The following PADI4 variants were observed in gnomAD, a reference collection of about 807,000 sequenced individuals.
PADI4 encodes protein-arginine deiminase type-4.
In PADI4, 62 loss-of-function variants were observed where a neutral mutation model predicts 75.0. The ratio of observed to expected loss-of-function variants is 0.83; its 90% CI spans 0.67 to 1.02. The LOEUF (loss-of-function observed/expected upper bound fraction) is 1.02, where lower values mean the gene tolerates loss of function less well. PADI4 is among the 50% of genes least tolerant of loss of function. The pLI, the probability that PADI4 is intolerant of heterozygous loss-of-function variation, is 0.00. For synonymous variants in PADI4, 361 were observed against 348.1 expected (o/e 1.04, Z -0.41); for missense variants, 845 against 850.5 (o/e 0.99, Z 0.08).
intron 1 of PADI4, among the ~76,000 whole-genome samples, chr1:17,324,858 G>A (rs1294758424): frequency 2.0e-5 from 3 of 152,242 alleles, no homozygotes; most frequent in African/African-American, 4.8e-5. Context: ...CTATATGAAT[G>A]AGCAATTGCT....
intron 10 of PADI4, among the ~76,000 whole-genome samples, chr1:17,352,151 A>AGGG (rs1557577339): frequency 1.6e-5 from 2 of 124,388 alleles, no homozygotes; most frequent in African/African-American, 6.6e-5. Flanking sequence ...TAGGAGAGGC[A>AGGG]ATCAGGGAGG....
Position 17,363,842 on chromosome 1 carries a change from G to C in PADI4, c.*87G>C, listed in dbSNP as rs371988502. 51 of 934,100 alleles carry C rather than the reference G, an allele frequency of 5.5e-5. No individual in the cohort carries two copies. Among genetic ancestry groups the C allele is most frequent in the East Asian group, 4.3e-4 (17 of 39,834 alleles). The allele number at this position is 934,100 out of a possible 1,614,324, so 57.9% of individuals were successfully genotyped here. On this transcript the variant is annotated 3_prime_UTR_variant, in exon 16 of 16. Coordinates refer to ENST00000375448, the MANE Select transcript of PADI4 (RefSeq NM_012387.3). ...GCAAGCAAGAGCTCTTGTGAATATT[G>C]TGGCTCCCTGGGGGCGGCCAGCCCT...
chr1:17,353,087 G>A (rs1249890956), intron 10 of PADI4, among the ~76,000 whole-genome samples: 1 of 152,202 alleles, frequency 6.6e-6, no homozygotes, highest in East Asian at 1.9e-4. Context: ...CCTGGACAAG[G>A]AAAGCTTTGA....
intron 2 of PADI4, among the ~76,000 whole-genome samples, chr1:17,332,181 T>C (rs1361881845): frequency 2.0e-5 from 3 of 152,176 alleles, no homozygotes; most frequent in African/African-American, 7.2e-5. Flanking sequence ...GCCTCTCTCA[T>C]AAGGGTACTT....
intron 10 of PADI4, among the ~76,000 whole-genome samples, chr1:17,353,457 C>T (rs977901882): frequency 1.3e-5 from 2 of 152,132 alleles, no homozygotes; most frequent in African/African-American, 4.8e-5. Context: ...AAGACCCACT[C>T]ATCTTCCCAG....
At chr1:17,335,844 G>T (rs2074299517) in intron 3 of PADI4, among the ~76,000 whole-genome samples, 1 of 152,264 alleles carries the variant, frequency 6.6e-6, no homozygotes, top group Non-Finnish European at 1.5e-5. Flanking sequence ...CATTGTGGTG[G>T]TTGGGAATTC....
At chr1:17,339,836 C>A (rs1392708406) in intron 6 of PADI4, 23 bp downstream of exon 6, 29 of 1,577,416 alleles carry the variant, frequency 1.8e-5, no homozygotes, top group Non-Finnish European at 2.2e-5. Flanking sequence ...CATCTTTGTT[C>A]CCCTCCTGCC....
rs2074751925 is a variant in PADI4 at position 17,355,963 on chromosome 1, C to T, written c.1311-20C>T. On this transcript the variant is annotated intron_variant, in intron 11 of 15. Coordinates refer to ENST00000375448, the MANE Select transcript of PADI4 (RefSeq NM_012387.3). ...GTAGCCCTTGCTGCCGATAACACCC[C>T]TTTAACCCTGCCATGACAGCAATGA... The T allele has an allele frequency of 1.2e-6, 2 of 1,613,992 alleles. No homozygotes were observed. The highest frequency in any genetic ancestry group is 1.7e-5 in the Admixed American group (1 of 60,004).
At chr1:17,358,019 G>T (rs7530463) in intron 13 of PADI4, among the ~76,000 whole-genome samples, 1 of 151,832 alleles carries the variant, frequency 6.6e-6, no homozygotes, top group South Asian at 2.1e-4. Context: ...AGGCTGAGGC[G>T]GGTGGATCAC....
At chr1:17,337,803 T>G (rs1248019036) in intron 4 of PADI4, among the ~76,000 whole-genome samples, 3 of 152,020 alleles carry the variant, frequency 2.0e-5, no homozygotes, top group African/African-American at 7.2e-5. Context: ...TAGTACCAGC[T>G]ACTCAGGAGG....
At chr1:17,336,875 T>C (rs567938684) in intron 4 of PADI4, among the ~76,000 whole-genome samples, 5 of 152,342 alleles carry the variant, frequency 3.3e-5, no homozygotes, top group African/African-American at 1.2e-4. Flanking sequence ...AATCTGTCCC[T>C]GTATCCCTCC....
In PADI4 at chr1:17,363,858, G is replaced by A. The variant is rs995418173; in HGVS notation, c.*103G>A. The A allele has an allele frequency of 2.5e-5, 19 of 753,090 alleles. No individual in the cohort carries two copies. Among genetic ancestry groups the A allele is most frequent in the African/African-American group, 8.7e-5 (5 of 57,374 alleles). The allele number at this position is 753,090 out of a possible 1,614,324, so 46.7% of individuals were successfully genotyped here. A position where few individuals can be genotyped will look rare whatever the true frequency, so the allele number is the denominator to read the frequency against. The stretch of plus-strand genomic sequence containing the variant: ...GTGAATATTGTGGCTCCCTGGGGGC[G>A]GCCAGCCCTCCCAGCAGTGGCTTGC... On this transcript the variant is annotated 3_prime_UTR_variant, in exon 16 of 16. Transcript: ENST00000375448.
chr1:17,359,013 C>T lies in PADI4; in HGVS notation c.1629+105C>T, dbSNP rs148177314. 1.8e-3 allele frequency: 1,395 copies of T among 777,592 alleles called. 14 individuals are homozygous for T. In the African/African-American group the frequency reaches 0.02, roughly 11 times the overall value. The allele number at this position is 777,592 out of a possible 1,614,324, so 48.2% of individuals were successfully genotyped here. A position where few individuals can be genotyped will look rare whatever the true frequency, so the allele number is the denominator to read the frequency against. Reference sequence around the variant, plus strand: ...CACAGAGGCTCAGGGTCTCAGGATGCGCTGGAAGACAGAGACACAGAAGCA... The same window carrying T: ...CACAGAGGCTCAGGGTCTCAGGATGTGCTGGAAGACAGAGACACAGAAGCA... On this transcript the variant is annotated intron_variant, in intron 14 of 15. Coordinates refer to ENST00000375448, the MANE Select transcript of PADI4 (RefSeq NM_012387.3).
At chr1:17,360,755 T>G (rs1374281349) in intron 15 of PADI4, among the ~76,000 whole-genome samples, 3 of 151,628 alleles carry the variant, frequency 2.0e-5, no homozygotes, top group Admixed American at 6.6e-5. Flanking sequence ...TCAAGTCACC[T>G]TATGCACCAT....
chr1:17,312,556 T>C (rs1234509650), intron 1 of PADI4, among the ~76,000 whole-genome samples: 1 of 151,900 alleles, frequency 6.6e-6, no homozygotes, highest in Non-Finnish European at 1.5e-5. Context: ...GAGTCTTTGA[T>C]CAGCTTTCAC....
intron 1 of PADI4, among the ~76,000 whole-genome samples, chr1:17,319,579 TAA>T (rs2073999633): frequency 6.6e-6 from 1 of 152,024 alleles, no homozygotes; most frequent in Non-Finnish European, 1.5e-5. Flanking sequence ...TCCTATTTGT[TAA>T]AAGAAACACA....
At chr1:17,312,316 C>T (rs567058895) in intron 1 of PADI4, among the ~76,000 whole-genome samples, 10 of 152,062 alleles carry the variant, frequency 6.6e-5, no homozygotes, top group Middle Eastern at 6.8e-3. Context: ...AAAAATTAGC[C>T]GGGCGTGGTG....
intron 6 of PADI4, among the ~76,000 whole-genome samples, chr1:17,340,985 G>C (rs181370451): frequency 6.6e-6 from 1 of 151,188 alleles, no homozygotes; most frequent in African/African-American, 2.4e-5. Flanking sequence ...ATTTTTAGTA[G>C]AGATGGGATT....
chr1:17,318,005 C>T (rs984807940), intron 1 of PADI4, among the ~76,000 whole-genome samples: 2 of 152,218 alleles, frequency 1.3e-5, no homozygotes, highest in Admixed American at 1.3e-4. Context: ...GCAAGACCTC[C>T]TCTCAGAAAA....
Sources: allele counts gnomAD v4.1 joint callset (sites outside exome capture counted in the v4.1 genomes callset), GRCh38; gene constraint gnomAD v4.1.1; transcripts MANE v1.5; gene names NCBI Gene and HGNC (gene_info 2026-07-23, HGNC 2026-07-21).